Variants in MMD2 observed in about 807,000 individuals in gnomAD.
The protein encoded by MMD2 is monocyte to macrophage differentiation associated 2.
In MMD2, 30 loss-of-function variants were observed where a neutral mutation model predicts 33.5. The ratio of observed to expected loss-of-function variants is 0.90; its 90% CI spans 0.67 to 1.22. MMD2 has a LOEUF of 1.22. Among genes scored for constraint, MMD2 ranks in the 50% most tolerant of loss-of-function variants. The pLI is 0.00. For missense variants in MMD2, 364 were observed against 325.4 expected, an observed-to-expected ratio of 1.12 and a Z score of -0.91; for synonymous variants, 129 against 123.0, an observed-to-expected ratio of 1.05 and a Z score of -0.32.
intron 1 of MMD2, among the ~76,000 whole-genome samples, chr7:4,942,230 G>A (rs990263663): frequency 6.6e-5 from 10 of 151,818 alleles, no homozygotes; most frequent in Non-Finnish European, 2.9e-5. Flanking sequence ...TGGGATTACA[G>A]GCATGAGCCA....
chr7:4,928,493 C>G (rs1395915652), intron 1 of MMD2, among the ~76,000 whole-genome samples: 1 of 150,148 alleles, frequency 6.7e-6, no homozygotes, highest in Non-Finnish European at 1.5e-5. Flanking sequence ...AGTTACAGAG[C>G]CTTCATTGAG....
rs1033140 is a variant in MMD2, at chr7:4,934,497, C to A, written c.48-8965G>T. 1.4e-3 allele frequency among the ~76,000 whole-genome samples: 214 copies of A among 152,212 alleles called. 1 individual carries two copies. Among genetic ancestry groups the A allele is most frequent in the East Asian group, 6.2e-3 (32 of 5,166 alleles). On this transcript the variant is annotated intron_variant, in intron 1 of 6. Coordinates refer to ENST00000401401, the MANE Select transcript of MMD2 (RefSeq NM_198403.4). ...GAGAGGCAGCCTCGACGGTGGGAAA[C>A]TTCTCTCGAAAGAGCCGACGTTTCC...
chr7:4,912,600 A>T (rs1785043813), intron 4 of MMD2, among the ~76,000 whole-genome samples: 1 of 151,570 alleles, frequency 6.6e-6, no homozygotes, highest in African/African-American at 2.4e-5. Context: ...TGCACAGAAA[A>T]AGATCTGAAC....
In MMD2 at chr7:4,906,302, C is replaced by T. The variant is rs1243917383; in HGVS notation, c.*1094G>A. On this transcript the variant is annotated 3_prime_UTR_variant, in exon 7 of 7. Transcript: ENST00000401401. ...GGCTGAAGAACAGGCCCCCAGCAGCCTTGTTGTTGGGCTACTGAGCACTTC... is the reference window on the plus strand; with the variant it reads ...GGCTGAAGAACAGGCCCCCAGCAGCTTTGTTGTTGGGCTACTGAGCACTTC... 5.1e-6 allele frequency: 2 copies of T among 393,440 alleles called. No individual in the cohort carries two copies. Among genetic ancestry groups the T allele is most frequent in the African/African-American group, 2.1e-5 (1 of 48,540 alleles). 24.4% of individuals were successfully genotyped at this position (393,440 alleles called of 1,614,324 possible).
chr7:4,945,203 C>CTTCTTCTTCTTCTT (rs1554273357), intron 1 of MMD2, among the ~76,000 whole-genome samples: 103 of 138,574 alleles, frequency 7.4e-4, no homozygotes, highest in Non-Finnish European at 1.2e-3. Flanking sequence ...TCTTCTTCTT[C>CTTCTTCTTCTTCTT]TTCTTCTTCT....
chr7:4,893,200 C>A, the MMD2 span, among the ~76,000 whole-genome samples: 2 of 151,950 alleles, frequency 1.3e-5, no homozygotes, highest in East Asian at 3.9e-4. Context: ...AAGGTCCGAT[C>A]CAGACCCCAA....
At chr7:4,953,201 CAT>C (rs946418482) in intron 1 of MMD2, among the ~76,000 whole-genome samples, 1 of 151,754 alleles carries the variant, frequency 6.6e-6, no homozygotes, top group Admixed American at 6.6e-5. Flanking sequence ...AGTGTTATCA[CAT>C]AGTTATTATC....
At chr7:4,899,678 G>C in the MMD2 span, among the ~76,000 whole-genome samples, 1 of 152,136 alleles carries the variant, frequency 6.6e-6, no homozygotes, top group South Asian at 2.1e-4. Context: ...TTACAGGCTT[G>C]AGCCACCTCG....
At chr7:4,922,826 T>C (rs1785321890) in intron 2 of MMD2, among the ~76,000 whole-genome samples, 1 of 152,150 alleles carries the variant, frequency 6.6e-6, no homozygotes, top group African/African-American at 2.4e-5. Context: ...CACAAACCTG[T>C]GAGCACAGGA....
rs749980903 is a variant in MMD2, at chr7:4,916,088, G to C, written c.291-9C>G. The C allele has an allele frequency of 5.6e-6, 9 of 1,613,162 alleles. No homozygotes were observed. Among genetic ancestry groups the C allele is most frequent in the Admixed American group, 1.7e-5 (1 of 59,974 alleles). On this transcript the variant is annotated splice_polypyrimidine_tract_variant and intron_variant, in intron 3 of 6. Transcript: ENST00000401401. ...GACAGTGTTCCACCATCCTAGGGCGGCAGAGAAGCCGGCAGTCACAGCCCC... is the reference window on the plus strand; with the variant it reads ...GACAGTGTTCCACCATCCTAGGGCGCCAGAGAAGCCGGCAGTCACAGCCCC...
intron 1 of MMD2, among the ~76,000 whole-genome samples, chr7:4,930,363 G>A (rs1456808557): frequency 6.6e-6 from 1 of 151,790 alleles, no homozygotes; most frequent in East Asian, 1.9e-4. Flanking sequence ...AAACAGGCCG[G>A]GCATGGTGGC....
intron 6 of MMD2, among the ~76,000 whole-genome samples, chr7:4,909,208 G>C (rs540135555): frequency 6.6e-6 from 1 of 152,006 alleles, no homozygotes; most frequent in Non-Finnish European, 1.5e-5. Context: ...GAAACTCTCC[G>C]CAGGGCACGG....
chr7:4,920,112 C>T, intron 3 of MMD2, 59 bp downstream of exon 3: 1 of 1,525,678 alleles, frequency 6.6e-7, no homozygotes, highest in Non-Finnish European at 8.8e-7. Flanking sequence ...CCCGGGCTGC[C>T]ATGGGTCCCC....
At chr7:4,911,345 T>A (rs1263167920) in intron 4 of MMD2, 99 bp from the exon 5 acceptor site, 1 of 913,876 alleles carries the variant, frequency 1.1e-6, no homozygotes, top group African/African-American at 1.7e-5. Context: ...CCCAGGGAAG[T>A]CCTGTCACCT....
rs1786240619 is a variant in MMD2 at position 4,951,441 on chromosome 7, A to AC, written c.47+7529dup. Among the ~76,000 whole-genome samples the AC allele has an allele frequency of 2.0e-5, 3 of 150,732 alleles. No individual in the cohort carries two copies. The South Asian group carries it at 6.4e-4, about 32-fold the overall frequency. ...ACCCTGCCCTGGGTCCCTGCACTTCACCCCCCAATGGCCTCATTCTTCAAT... is the reference window on the plus strand; with the variant it reads ...ACCCTGCCCTGGGTCCCTGCACTTCACCCCCCCAATGGCCTCATTCTTCAAT... On this transcript the variant is annotated intron_variant, in intron 1 of 6. Transcript: ENST00000401401.
intron 3 of MMD2, 125 bp downstream of exon 3, chr7:4,920,046 C>G: frequency 8.6e-7 from 1 of 1,160,864 alleles, no homozygotes; most frequent in East Asian, 2.6e-5. Context: ...CCCAGCCCAG[C>G]CCCTCCCAGC....
intron 1 of MMD2, among the ~76,000 whole-genome samples, chr7:4,943,320 T>A (rs1219317810): frequency 6.6e-6 from 1 of 152,054 alleles, no homozygotes; most frequent in Admixed American, 6.6e-5. Flanking sequence ...TTTTTCTGTA[T>A]TTTTAGTAAA....
Position 4,959,031 on chromosome 7 carries a change from T to C in MMD2, c.-14A>G, listed in dbSNP as rs1455844578. On this transcript the variant is annotated 5_prime_UTR_variant, in exon 1 of 7. It removes an upstream start codon present in the reference 5' UTR. Transcript: ENST00000401401. ...GGGGGCGAACATCGCGGCGCTTCCA[T>C]GGGAATCTGGCCCCGGGCTCAGAGC... 7.9e-7 allele frequency: 1 copy of C among 1,261,376 alleles called. No homozygotes were observed. The highest frequency in any genetic ancestry group is 1.0e-6 in the Non-Finnish European group (1 of 995,068). 78.1% of individuals were successfully genotyped at this position (1,261,376 alleles called of 1,614,324 possible). A position where few individuals can be genotyped will look rare whatever the true frequency, so the allele number is the denominator to read the frequency against.
rs1354023158 is a variant in MMD2 at position 4,946,099 on chromosome 7, GCATGCACA to G, written c.47+12864_47+12871del. ...CGCACGCACACGCACGCACACACAC[GCATGCACA>G]CGCGCACACGCACGCACACACCTGC... On this transcript the variant is annotated intron_variant, in intron 1 of 6. Coordinates refer to ENST00000401401, the MANE Select transcript of MMD2 (RefSeq NM_198403.4). The surrounding 1 kb of genome is among the most constrained non-coding windows in gnomAD (Gnocchi z 5.0). Among the ~76,000 whole-genome samples, 6 of 150,072 alleles carry G rather than the reference GCATGCACA, an allele frequency of 4.0e-5. No homozygotes were observed. Among genetic ancestry groups the G allele is most frequent in the Admixed American group, 6.7e-5 (1 of 14,994 alleles).
Sources: allele counts gnomAD v4.1 joint callset (sites outside exome capture counted in the v4.1 genomes callset), GRCh38; gene constraint gnomAD v4.1.1; non-coding constraint Gnocchi (gnomAD v3.1); transcripts MANE v1.5; gene names NCBI Gene and HGNC (gene_info 2026-07-23, HGNC 2026-07-21).